PTPDC1: variants seen among roughly 807,000 people sequenced by gnomAD.
PTPDC1 encodes the protein protein tyrosine phosphatase domain-containing protein 1.
PTPDC1 carries 53 observed loss-of-function variants against 75.3 expected under a neutral mutation model. The observed-to-expected ratio is 0.70, with a 90% CI of 0.56 to 0.88. The LOEUF (loss-of-function observed/expected upper bound fraction) is 0.88. PTPDC1 is among the 40% of genes least tolerant of loss of function. The pLI, the probability that PTPDC1 is intolerant of heterozygous loss-of-function variation, is 0.00. For missense variants in PTPDC1, 925 were observed against 998.6 expected (o/e 0.93, Z 0.99); for synonymous variants, 349 against 366.2 (o/e 0.95, Z 0.54).
rs1034491779 is a variant in PTPDC1 at position 94,107,499 on chromosome 9, G to T, written c.2311-329G>T. ...ACAGCTGATGTGCTGTTTTAATATG[G>T]GAAACTTTTCTCTTATACCATCAAT... is the stretch of plus-strand genomic sequence containing the variant. On this transcript the variant is annotated intron_variant, in intron 8 of 8. Transcript: ENST00000620992. Among the ~76,000 whole-genome samples, 17 of 152,040 alleles carry T rather than the reference G, an allele frequency of 1.1e-4. No homozygotes were observed. In the East Asian group the frequency reaches 3.3e-3, roughly 29 times the overall value.
At chr9:94,085,212 GA>G in intron 1 of PTPDC1, 38 bp from the exon 2 acceptor site, 1 of 1,559,748 alleles carries the variant, frequency 6.4e-7, no homozygotes, top group Non-Finnish European at 8.8e-7. Flanking sequence ...TTCATTTGGA[GA>G]GTGGAATTTT....
At chr9:94,084,828 G>A in intron 1 of PTPDC1, 54 bp downstream of exon 1, 6 of 1,262,214 alleles carry the variant, frequency 4.8e-6, no homozygotes, top group South Asian at 4.4e-5. Context: ...TGAGGAATGG[G>A]AATCAGCTGT....
At chr9:94,041,156 G>A (rs1485506878) in intron 1 of PTPDC1, among the ~76,000 whole-genome samples, 1 of 152,126 alleles carries the variant, frequency 6.6e-6, no homozygotes, top group Non-Finnish European at 1.5e-5. Context: ...CAAATCAACT[G>A]ACTCTAGTTC....
rs1828103266 is a variant in PTPDC1 at position 94,108,604 on chromosome 9, T to C, written c.*660T>C. 1 of 152,282 alleles carries C rather than the reference T, an allele frequency of 6.6e-6. No homozygotes were observed. The highest frequency in any genetic ancestry group is 6.5e-5 in the Admixed American group (1 of 15,288). 9.4% of individuals were successfully genotyped at this position (152,282 alleles called of 1,614,324 possible). A position where few individuals can be genotyped will look rare whatever the true frequency, so the allele number is the denominator to read the frequency against. Reference sequence around the variant, plus strand: ...GTTGGGATTTTTTGCTTGTAGAAAGTAGACTTGCTCTTTGTCAGATTTCCA... The same window carrying C: ...GTTGGGATTTTTTGCTTGTAGAAAGCAGACTTGCTCTTTGTCAGATTTCCA... On this transcript the variant is annotated 3_prime_UTR_variant, in exon 9 of 9. Transcript: ENST00000620992.
Position 94,047,568 on chromosome 9 carries a change from A to G in PTPDC1, c.-7+16441A>G, listed in dbSNP as rs1825647804. 2.0e-5 allele frequency among the ~76,000 whole-genome samples: 3 copies of G among 152,246 alleles called. No homozygotes were observed. The South Asian group carries it at 6.2e-4, about 31-fold the overall frequency. On this transcript the variant is annotated intron_variant, in intron 1 of 9. Coordinates refer to the PTPDC1 transcript ENST00000375360. ...CAGAAGGCAAGAAATAACTAAGATC[A>G]GAGCAGAACTGAAGGAAATAGAGAC...
chr9:94,101,936 AT>A (rs1385102612), intron 7 of PTPDC1, among the ~76,000 whole-genome samples, 185 bp downstream of exon 7: 2 of 152,230 alleles, frequency 1.3e-5, no homozygotes, highest in African/African-American at 4.8e-5. Context: ...AAATACAAAA[AT>A]AAAAACGAGA....
intron 8 of PTPDC1, among the ~76,000 whole-genome samples, chr9:94,106,691 T>C (rs918239301): frequency 2.0e-5 from 3 of 152,154 alleles, no homozygotes; most frequent in African/African-American, 7.2e-5. Context: ...CAACCTTTCA[T>C]TTGTCAAAAT....
chr9:94,082,676 A>G (rs1439116779), upstream of PTPDC1, among the ~76,000 whole-genome samples: 1 of 152,188 alleles, frequency 6.6e-6, no homozygotes, highest in East Asian at 1.9e-4. Context: ...AGCATGCAGA[A>G]AGGGCTGCTT....
intron 1 of PTPDC1, among the ~76,000 whole-genome samples, chr9:94,048,734 A>G (rs760593933): frequency 6.6e-6 from 1 of 152,082 alleles, no homozygotes; most frequent in Non-Finnish European, 1.5e-5. Context: ...CTTGGTGCAG[A>G]GCTCAGTTCA....
At chr9:94,092,014 T>G (rs1332784145) in intron 4 of PTPDC1, among the ~76,000 whole-genome samples, 3 of 147,702 alleles carry the variant, frequency 2.0e-5, no homozygotes, top group Non-Finnish European at 3.0e-5. Context: ...ATCAATTTTG[T>G]TGATCTTTTC....
chr9:94,059,911 T>C (rs1260976776), intron 1 of PTPDC1, among the ~76,000 whole-genome samples: 2 of 152,238 alleles, frequency 1.3e-5, no homozygotes, highest in African/African-American at 2.4e-5. Flanking sequence ...CTGAAAATGC[T>C]AATGTGATAA....
At chr9:94,050,683 C>T (rs1825761622) in intron 1 of PTPDC1, among the ~76,000 whole-genome samples, 1 of 152,224 alleles carries the variant, frequency 6.6e-6, no homozygotes, top group Non-Finnish European at 1.5e-5. Flanking sequence ...AGGAGGCAGT[C>T]TGTCCGTTCT....
intron 6 of PTPDC1, chr9:94,100,642 G>A (rs528768739): frequency 1.3e-5 from 2 of 152,300 alleles, no homozygotes; most frequent in African/African-American, 4.8e-5. Flanking sequence ...TGGTGAGGAA[G>A]CTCCCTGCTG....
At chr9:94,081,209 C>A (rs1826872781), upstream of PTPDC1, among the ~76,000 whole-genome samples, 1 of 152,108 alleles carries the variant, frequency 6.6e-6, no homozygotes, top group South Asian at 2.1e-4. Context: ...AGGTGGGTTT[C>A]TAACTACTGA....
At chr9:94,044,994 T>TC (rs1301721384) in intron 1 of PTPDC1, among the ~76,000 whole-genome samples, 1 of 54,982 alleles carries the variant, frequency 1.8e-5, no homozygotes, top group Non-Finnish European at 3.4e-5. Context: ...CCCTCCCCCC[T>TC]CCCCCCACCC....
intron 4 of PTPDC1, among the ~76,000 whole-genome samples, chr9:94,095,057 A>T (rs1827504019): frequency 6.6e-6 from 1 of 152,200 alleles, no homozygotes; most frequent in South Asian, 2.1e-4. Context: ...TCACGCTGGG[A>T]GCTGTAGACC....
Position 94,087,823 on chromosome 9 carries a change from AT to A in PTPDC1, c.417-5del. 2 of 1,609,664 alleles carry A rather than the reference AT, an allele frequency of 1.2e-6. No individual in the cohort carries two copies. Among genetic ancestry groups the A allele is most frequent in the Non-Finnish European group, 1.7e-6 (2 of 1,176,164 alleles). On this transcript the variant is annotated splice_polypyrimidine_tract_variant and splice_region_variant and intron_variant, in intron 2 of 8. Transcript: ENST00000620992. ...GCACATCTCACCAGTCCCTCCACCT[AT>A]TTGCAGGGTCACTGATAATATACTG...
intron 1 of PTPDC1, among the ~76,000 whole-genome samples, chr9:94,037,596 A>G (rs943116811): frequency 2.7e-5 from 4 of 150,504 alleles, no homozygotes; most frequent in African/African-American, 9.8e-5. Flanking sequence ...TTTAAACAGA[A>G]TTTTTTTTTT....
At chr9:94,069,823 C>CTTTTTTT (rs763640631) in intron 2 of PTPDC1, among the ~76,000 whole-genome samples, 1 of 108,204 alleles carries the variant, frequency 9.2e-6, no homozygotes, top group African/African-American at 3.6e-5. Flanking sequence ...CCAATACTTT[C>CTTTTTTT]TTTTTTTTTT....
Sources: gnomAD v4.1 joint callset for allele counts (sites outside exome capture counted in the v4.1 genomes callset) on GRCh38, gnomAD v4.1.1 for gene constraint, MANE v1.5 for transcripts, NCBI Gene and HGNC (gene_info 2026-07-23, HGNC 2026-07-21) for gene names.